The following SETD2 variants were observed in gnomAD, a reference collection of about 807,000 sequenced individuals.
SETD2 encodes histone-lysine N-methyltransferase SETD2.
Under a neutral mutation model 242.1 loss-of-function variants are expected in SETD2, and 31 were observed. The ratio of observed to expected loss-of-function variants is 0.13; its 90% CI spans 0.10 to 0.17. The LOEUF is 0.17. SETD2 is among the 10% of genes least tolerant of loss of function. The pLI is 1.00. For synonymous variants in SETD2, 1,006 were observed against 1,066.5 expected, an observed-to-expected ratio of 0.94 and a Z score of 1.11; for missense variants, 2,481 against 3,046.3, an observed-to-expected ratio of 0.81 and a Z score of 4.37.
chr3:47,094,756 T>C (rs1476834329), intron 9 of SETD2, among the ~76,000 whole-genome samples: 2 of 152,250 alleles, frequency 1.3e-5, no homozygotes, highest in African/African-American at 4.8e-5. Flanking sequence ...TTCCTCTATC[T>C]GGGCAAAGTT....
chr3:47,078,420 T>C (rs1179924982), intron 12 of SETD2, among the ~76,000 whole-genome samples: 2 of 151,666 alleles, frequency 1.3e-5, no homozygotes, highest in East Asian at 3.9e-4. Context: ...ATGTGAACTT[T>C]ATAAAAAATA....
At position 47,157,128 on chromosome 3, in the gene SETD2, T is replaced by C. The variant is rs34655672; in HGVS notation, c.71+6726A>G. ...TACAAACAAAATTAGTTGGGCATGG[T>C]GGCATGTGCCCACAGTCCCCGCTAC... On this transcript the variant is annotated intron_variant, in intron 1 of 20. Transcript: ENST00000409792. Among the ~76,000 whole-genome samples, 1,242 of 152,092 alleles carry C rather than the reference T, an allele frequency of 8.2e-3. 15 individuals are homozygous for C. Among genetic ancestry groups the C allele is most frequent in the South Asian group, 0.016 (76 of 4,810 alleles).
At chr3:47,147,867 G>A (rs1291206542) in intron 1 of SETD2, among the ~76,000 whole-genome samples, 1 of 139,946 alleles carries the variant, frequency 7.1e-6, no homozygotes, top group Admixed American at 7.7e-5. Flanking sequence ...AGCTTGCAGT[G>A]AGCAAACACC....
chr3:47,164,036 GGCGGCGGCA>G lies in SETD2; in HGVS notation c.-121_-113del, dbSNP rs1559775426. 4.4e-6 allele frequency: 2 copies of G among 449,676 alleles called. No homozygotes were observed. The highest frequency in any genetic ancestry group is 6.1e-6 in the Non-Finnish European group (2 of 328,956). The allele number at this position is 449,676 out of a possible 1,614,324, so 27.9% of individuals were successfully genotyped here. On this transcript the variant is annotated 5_prime_UTR_variant, in exon 1 of 21. Coordinates refer to ENST00000409792, the MANE Select transcript of SETD2 (RefSeq NM_014159.7). The surrounding 1 kb of genome is among the most constrained non-coding windows in gnomAD (Gnocchi z 5.4). ...CCGCGGCGGCGGCGGCGGCGGCGGC[GGCGGCGGCA>G]GGGGCGGCCCGCGTCGCTACCTCGC...
intron 18 of SETD2, among the ~76,000 whole-genome samples, chr3:47,027,011 T>C (rs779459062): frequency 2.0e-5 from 3 of 152,022 alleles, no homozygotes; most frequent in Non-Finnish European, 4.4e-5. Context: ...TATTGTATTA[T>C]TTCATTTACA....
At chr3:47,065,626 T>A (rs192363645) in intron 13 of SETD2, among the ~76,000 whole-genome samples, 3 of 152,034 alleles carry the variant, frequency 2.0e-5, no homozygotes, top group Admixed American at 2.0e-4. Context: ...CGAGACTCTG[T>A]CTCTACAAAA....
In SETD2 at chr3:47,084,033, G is replaced by A. The variant is rs767241855; in HGVS notation, c.5747C>T (p.Pro1916Leu). ...CTGCAATTCTTCCTCTTCCTCTACA[G>A]GGACATTTTCTAATTGATCAAGATC... The part of the protein sequence containing the change: ...KEDLDQLENV[P>L]VEEEEELQSQ... The change falls in exon 12 of 21, where the codon CCT becomes CTT. Residue 1916 changes from proline (P) to leucine (L), a missense_variant. Pro to Leu is a moderately conservative substitution (Grantham distance 98). Transcript: ENST00000409792. The A allele has an allele frequency of 1.9e-6, 3 of 1,613,988 alleles. No individual in the cohort carries two copies. The highest frequency in any genetic ancestry group is 8.5e-7 in the Non-Finnish European group (1 of 1,180,004).
At position 47,019,858 on chromosome 3, in the gene SETD2, AAC is replaced by A; in HGVS notation, c.7351-20_7351-19del. 5 of 1,607,984 alleles carry A rather than the reference AAC, an allele frequency of 3.1e-6. No individual in the cohort carries two copies. Among genetic ancestry groups the A allele is most frequent in the Non-Finnish European group, 4.3e-6 (5 of 1,174,502 alleles). Reference sequence around the variant, plus strand: ...TTCGAGGCCTAAAAATGGAGGAGAAAACACAGTGGTGCTGGCATGAGAAGTCA... The same window carrying A: ...TTCGAGGCCTAAAAATGGAGGAGAAAACAGTGGTGCTGGCATGAGAAGTCA... On this transcript the variant is annotated intron_variant, in intron 18 of 20. Coordinates refer to ENST00000409792, the MANE Select transcript of SETD2 (RefSeq NM_014159.7).
chr3:47,106,872 G>C (rs2042449346), intron 5 of SETD2, among the ~76,000 whole-genome samples: 1 of 151,478 alleles, frequency 6.6e-6, no homozygotes, highest in African/African-American at 2.4e-5. Flanking sequence ...CAGCCCTTCT[G>C]CTGTCTTTAC....
chr3:47,158,396 C>T (rs988955864), intron 1 of SETD2, among the ~76,000 whole-genome samples: 2 of 152,128 alleles, frequency 1.3e-5, no homozygotes, highest in African/African-American at 2.4e-5. Context: ...TTGTGCCTGC[C>T]TCCAGTTCTA....
chr3:47,136,379 C>A (rs2043589559), intron 1 of SETD2, among the ~76,000 whole-genome samples: 1 of 152,080 alleles, frequency 6.6e-6, no homozygotes, highest in Admixed American at 6.6e-5. Context: ...CCTGCTTGTT[C>A]CTTCTTGGAA....
chr3:47,056,833 T>A lies in SETD2; in HGVS notation c.6951A>T (p.Pro2317=). 6.2e-7 allele frequency: 1 copy of A among 1,612,318 alleles called. No individual in the cohort carries two copies. The highest frequency in any genetic ancestry group is 8.5e-7 in the Non-Finnish European group (1 of 1,178,454). Residue 2317 remains proline (P), a synonymous_variant, in exon 15 of 21, where the codon CCA becomes CCT. Transcript: ENST00000409792. The part of the protein sequence containing the change: ...GVTSPYSQTT[P]PIVQSYAQPS... ...CAGAATTAGTTACCTGTACAATTGG[T>A]GGAGTTGTCTGTGAATAAGGTGATG...
intron 12 of SETD2, among the ~76,000 whole-genome samples, chr3:47,072,372 T>G (rs1270493532): frequency 6.6e-6 from 1 of 152,198 alleles, no homozygotes; most frequent in African/African-American, 2.4e-5. Flanking sequence ...GAGATCAGAT[T>G]ATCTGTTCTG....
chr3:47,095,482 T>C (rs985120090), intron 9 of SETD2, among the ~76,000 whole-genome samples: 1 of 152,198 alleles, frequency 6.6e-6, no homozygotes, highest in African/African-American at 2.4e-5. Context: ...GTTTAATAAC[T>C]ACTTTGTGGT....
At chr3:47,060,670 AT>A (rs1331317832) in intron 14 of SETD2, among the ~76,000 whole-genome samples, 1 of 152,230 alleles carries the variant, frequency 6.6e-6, no homozygotes, top group Non-Finnish European at 1.5e-5. Flanking sequence ...TACAAAAAAA[AT>A]CACCTCCTCA....
intron 1 of SETD2, among the ~76,000 whole-genome samples, chr3:47,133,209 A>T (rs1438538605): frequency 6.6e-6 from 1 of 152,112 alleles, no homozygotes; most frequent in Non-Finnish European, 1.5e-5. Flanking sequence ...TCTGTGTTTT[A>T]AAAAAATATA....
rs2043173937 is a variant in SETD2 at position 47,123,140 on chromosome 3, G to A, written c.1496C>T (p.Thr499Ile). The A allele has an allele frequency of 5.6e-6, 9 of 1,613,350 alleles. No homozygotes were observed. The highest frequency in any genetic ancestry group is 6.8e-6 in the Non-Finnish European group (8 of 1,179,436). ...SKSDRDCKTE[T>I]SYLEMERRGK... ...TCTTCTTTCCATCTCTAAGTAAGAG[G>A]TCTCAGTTTTACAGTCCCGATCAGA... is the stretch of plus-strand genomic sequence containing the variant. The change falls in exon 3 of 21, where the codon ACC (threonine) becomes ATC (isoleucine). Residue 499 changes from threonine (T) to isoleucine (I), a missense_variant. Transcript: ENST00000409792.
intron 1 of SETD2, among the ~76,000 whole-genome samples, chr3:47,139,384 T>C (rs752465687): frequency 4.6e-5 from 7 of 152,210 alleles, no homozygotes; most frequent in African/African-American, 7.2e-5. Flanking sequence ...CTACAGCATA[T>C]ACTTTACAAT....
At chr3:47,133,106 G>GTATAAATATA (rs1559757682) in intron 1 of SETD2, among the ~76,000 whole-genome samples, 1 of 152,074 alleles carries the variant, frequency 6.6e-6, no homozygotes, top group African/African-American at 2.4e-5. Context: ...AAGTAATGAT[G>GTATAAATATA]TATACATATA....
Sources: allele counts gnomAD v4.1 joint callset (sites outside exome capture counted in the v4.1 genomes callset), GRCh38; gene constraint gnomAD v4.1.1; non-coding constraint Gnocchi (gnomAD v3.1); transcripts MANE v1.5; gene names NCBI Gene and HGNC (gene_info 2026-07-23, HGNC 2026-07-21).